Variants in CNTN5 observed in about 807,000 individuals in gnomAD.
The protein encoded by CNTN5 is contactin-5.
CNTN5 carries 77 observed loss-of-function variants against 129.1 expected under a neutral mutation model. The ratio of observed to expected loss-of-function variants is 0.60; its 90% CI spans 0.50 to 0.72. The LOEUF is 0.72. CNTN5 is among the 30% of genes least tolerant of loss of function. CNTN5 has a pLI of 0.00. For synonymous variants in CNTN5, 509 were observed against 465.6 expected, an observed-to-expected ratio of 1.09 and a Z score of -1.20; for missense variants, 1,478 against 1,328.8, an observed-to-expected ratio of 1.11 and a Z score of -1.75.
In CNTN5 at chr11:99,643,028, A is replaced by G. The variant is rs143841937; in HGVS notation, c.55+86759A>G. 8.5e-5 allele frequency among the ~76,000 whole-genome samples: 13 copies of G among 152,312 alleles called. No homozygotes were observed. The East Asian group carries it at 2.3e-3, about 27-fold the overall frequency. ...ATTTAGGTCTATTCTGTATCAACCT[A>G]TTGGCTATTGTGAATAGTACAGCAA... On this transcript the variant is annotated intron_variant, in intron 3 of 24. Transcript: ENST00000524871.
At chr11:99,804,440 G>A (rs1338799111) in intron 3 of CNTN5, among the ~76,000 whole-genome samples, 1 of 151,084 alleles carries the variant, frequency 6.6e-6, no homozygotes, top group African/African-American at 2.4e-5. Flanking sequence ...ATTACTTTCT[G>A]AACTCTAACT....
chr11:99,482,126 A>C (rs1479784605), intron 2 of CNTN5, among the ~76,000 whole-genome samples: 2 of 152,172 alleles, frequency 1.3e-5, no homozygotes, highest in Non-Finnish European at 2.9e-5. Context: ...AAAATGCATT[A>C]TTAATCTCCC....
chr11:99,816,864 G>A (rs1946604127), intron 3 of CNTN5, among the ~76,000 whole-genome samples: 1 of 152,032 alleles, frequency 6.6e-6, no homozygotes, highest in Admixed American at 6.6e-5. Context: ...GCAGGCCATG[G>A]TGCCTTTACT....
chr11:99,272,793 C>G (rs1427013803), intron 1 of CNTN5, among the ~76,000 whole-genome samples: 2 of 151,798 alleles, frequency 1.3e-5, no homozygotes, highest in African/African-American at 4.8e-5. Flanking sequence ...TCCACATACA[C>G]ATTTAGTTTT....
chr11:99,287,292 C>T (rs932973600), intron 1 of CNTN5, among the ~76,000 whole-genome samples: 1 of 152,018 alleles, frequency 6.6e-6, no homozygotes, highest in African/African-American at 2.4e-5. Flanking sequence ...TATGTGTTTT[C>T]CTGGACATTG....
intron 1 of CNTN5, among the ~76,000 whole-genome samples, chr11:99,134,195 T>G (rs7113723): frequency 0.91 from 138,035 of 151,942 alleles, 62,946 homozygotes; most frequent in East Asian, 0.99. Flanking sequence ...AAGTGGGAGC[T>G]GAACAATGAG....
At chr11:99,586,955 G>A (rs1307644420) in intron 3 of CNTN5, among the ~76,000 whole-genome samples, 1 of 152,180 alleles carries the variant, frequency 6.6e-6, no homozygotes, top group Non-Finnish European at 1.5e-5. Flanking sequence ...ATCAACAATA[G>A]TCTAGTAATT....
At chr11:99,450,784 T>TTTTTG in intron 2 of CNTN5, among the ~76,000 whole-genome samples, 1 of 150,778 alleles carries the variant, frequency 6.6e-6, no homozygotes. Flanking sequence ...TTTTTTTTTT[T>TTTTTG]TTTTTTGCTC....
chr11:99,131,888 T>C (rs1858957817), intron 1 of CNTN5, among the ~76,000 whole-genome samples: 1 of 152,186 alleles, frequency 6.6e-6, no homozygotes, highest in Non-Finnish European at 1.5e-5. Flanking sequence ...GACTACTCCC[T>C]AACTCATTTT....
intron 3 of CNTN5, among the ~76,000 whole-genome samples, chr11:99,649,450 C>T (rs931876615): frequency 7.3e-5 from 11 of 151,632 alleles, no homozygotes; most frequent in African/African-American, 2.7e-4. Context: ...GTCAATGTTG[C>T]AACTTTATTT....
chr11:99,545,486 A>C (rs942484046), intron 2 of CNTN5, among the ~76,000 whole-genome samples: 1 of 152,232 alleles, frequency 6.6e-6, no homozygotes, highest in African/African-American at 2.4e-5. Context: ...ATTTAATTAA[A>C]TTAAAAGAGA....
chr11:100,093,720 C>T (rs1944884550), intron 13 of CNTN5, among the ~76,000 whole-genome samples: 1 of 152,122 alleles, frequency 6.6e-6, no homozygotes, highest in Non-Finnish European at 1.5e-5. Context: ...GACTGCTCAA[C>T]AGCTTTTGCC....
intron 7 of CNTN5, among the ~76,000 whole-genome samples, chr11:99,947,442 A>G (rs952033928): frequency 6.6e-6 from 1 of 151,976 alleles, no homozygotes; most frequent in African/African-American, 2.4e-5. Flanking sequence ...AGTATCCACT[A>G]TTTCTTCATG....
At chr11:99,479,727 C>A (rs1463832358) in intron 2 of CNTN5, among the ~76,000 whole-genome samples, 4 of 151,904 alleles carry the variant, frequency 2.6e-5, no homozygotes, top group Non-Finnish European at 4.4e-5. Flanking sequence ...TGTAATAATA[C>A]TCTACTTAAT....
intron 1 of CNTN5, among the ~76,000 whole-genome samples, chr11:99,257,686 T>C (rs1862438645): frequency 6.6e-6 from 1 of 152,076 alleles, no homozygotes; most frequent in South Asian, 2.1e-4. Context: ...CCAAGGCAAG[T>C]TTCATGAAGA....
At chr11:99,258,545 A>G (rs7117121) in intron 1 of CNTN5, among the ~76,000 whole-genome samples, 14,445 of 152,066 alleles carry the variant, frequency 0.095, 726 homozygotes, top group South Asian at 0.14. Context: ...TACTCCATTT[A>G]CACAAGTTAA....
chr11:99,106,205 A>T (rs951414510), intron 1 of CNTN5, among the ~76,000 whole-genome samples: 7 of 152,128 alleles, frequency 4.6e-5, no homozygotes, highest in Non-Finnish European at 1.5e-5. Context: ...CACACTTAAA[A>T]TTGATCAAAA....
At chr11:99,397,621 C>T (rs981357979) in intron 2 of CNTN5, among the ~76,000 whole-genome samples, 1 of 151,798 alleles carries the variant, frequency 6.6e-6, no homozygotes, top group African/African-American at 2.4e-5. Context: ...AATATATCCA[C>T]TTTCATCATT....
At chr11:99,392,680 TA>T (rs1255854116) in intron 2 of CNTN5, among the ~76,000 whole-genome samples, 1 of 151,906 alleles carries the variant, frequency 6.6e-6, no homozygotes, top group Non-Finnish European at 1.5e-5. Flanking sequence ...AGAGACCACC[TA>T]AAAATTATCT....
Sources: gnomAD v4.1 joint callset for allele counts (sites outside exome capture counted in the v4.1 genomes callset) on GRCh38, gnomAD v4.1.1 for gene constraint, MANE v1.5 for transcripts, NCBI Gene and HGNC (gene_info 2026-07-23, HGNC 2026-07-21) for gene names.